The following SNX29 variants were observed in gnomAD, a reference collection of about 807,000 sequenced individuals.
SNX29 encodes the protein sorting nexin 29.
A neutral mutation model predicts 102.1 loss-of-function variants in SNX29; 78 were observed. The ratio of observed to expected loss-of-function variants is 0.76; its 90% CI spans 0.64 to 0.92. The LOEUF is 0.92. SNX29 is among the 40% of genes least tolerant of loss of function. The pLI is 0.00. For synonymous variants in SNX29, 580 were observed against 414.5 expected (o/e 1.40, Z -4.85); for missense variants, 1,280 against 1,061.7 (o/e 1.21, Z -2.86).
chr16:12,527,044 T>C (rs537600747), intron 20 of SNX29: 9 of 416,294 alleles, frequency 2.2e-5, no homozygotes, highest in Non-Finnish European at 4.1e-5. Context: ...GTGTTGACAC[T>C]GGAATTTTGA....
chr16:12,538,079 G>T lies in SNX29; in HGVS notation c.2318+13238G>T, dbSNP rs923804732. Among the ~76,000 whole-genome samples, 14 of 150,762 alleles carry T rather than the reference G, an allele frequency of 9.3e-5. No homozygotes were observed. In the East Asian group the frequency reaches 1.7e-3, roughly 19 times the overall value. ...GATCTTGGTGACAGCTTTCTTCTCA[G>T]TGGGCTAAGCAAATTCACAGCTTTC... On this transcript the variant is annotated intron_variant, in intron 20 of 20. Coordinates refer to ENST00000566228, the MANE Select transcript of SNX29 (RefSeq NM_032167.5).
At chr16:12,555,139 C>G (rs1010173573) in intron 20 of SNX29, among the ~76,000 whole-genome samples, 2 of 151,798 alleles carry the variant, frequency 1.3e-5, no homozygotes, top group Non-Finnish European at 2.9e-5. Context: ...TATTCTCAGA[C>G]TTGGTCCAGG....
chr16:12,342,387 G>T (rs2151261865), intron 15 of SNX29, among the ~76,000 whole-genome samples: 1 of 152,292 alleles, frequency 6.6e-6, no homozygotes, highest in East Asian at 1.9e-4. Context: ...AAACCATGAG[G>T]CTTAGGGGTG....
At chr16:12,129,550 A>T in intron 12 of SNX29, 80 bp from the exon 13 acceptor site, 1 of 1,495,590 alleles carries the variant, frequency 6.7e-7, no homozygotes, top group Non-Finnish European at 8.9e-7. Flanking sequence ...TTAGGACTTG[A>T]CTTATGTTAG....
At chr16:12,342,645 C>T (rs1477830851) in intron 15 of SNX29, among the ~76,000 whole-genome samples, 1 of 152,156 alleles carries the variant, frequency 6.6e-6, no homozygotes, top group Admixed American at 6.5e-5. Flanking sequence ...CTCATTTAGT[C>T]CTCATAACAA....
intron 8 of SNX29, among the ~76,000 whole-genome samples, chr16:12,059,370 T>G (rs1161532824): frequency 6.6e-6 from 1 of 152,178 alleles, no homozygotes; most frequent in African/African-American, 2.4e-5. Flanking sequence ...CTTGACAGAT[T>G]CCAGAGGCAC....
chr16:12,380,347 A>G (rs1404942944), intron 16 of SNX29, among the ~76,000 whole-genome samples: 1 of 7,616 alleles, frequency 1.3e-4, no homozygotes, highest in Non-Finnish European at 2.5e-4. Context: ...CCACCCACCC[A>G]TCCCTTCACC....
chr16:12,026,814 A>G (rs1166225825), intron 3 of SNX29, among the ~76,000 whole-genome samples: 1 of 152,210 alleles, frequency 6.6e-6, no homozygotes, highest in Non-Finnish European at 1.5e-5. Context: ...CAGAATTCAT[A>G]TATTCTTTTT....
At chr16:12,024,963 T>G (rs1330339105) in intron 3 of SNX29, among the ~76,000 whole-genome samples, 1 of 152,202 alleles carries the variant, frequency 6.6e-6, no homozygotes, top group Admixed American at 6.6e-5. Context: ...CTGTGGTATT[T>G]AGAGAGTTTT....
At chr16:12,346,822 A>C (rs1015011086) in intron 15 of SNX29, among the ~76,000 whole-genome samples, 1 of 152,132 alleles carries the variant, frequency 6.6e-6, no homozygotes. Context: ...CCAGGAGAGC[A>C]TCATTGTCTC....
rs554317763 is a variant in SNX29, at chr16:12,537,157, T to A, written c.2318+12316T>A. On this transcript the variant is annotated intron_variant, in intron 20 of 20. Transcript: ENST00000566228. Reference sequence around the variant, plus strand: ...GATCTCAGAGGCTGGGACTCTGGGATCTTGTTAGCATAAAGATGCCATCCC... The same window carrying A: ...GATCTCAGAGGCTGGGACTCTGGGAACTTGTTAGCATAAAGATGCCATCCC... 2.0e-5 allele frequency among the ~76,000 whole-genome samples: 3 copies of A among 152,206 alleles called. No individual in the cohort carries two copies. In the East Asian group the frequency reaches 5.8e-4, roughly 29 times the overall value.
intron 18 of SNX29, among the ~76,000 whole-genome samples, chr16:12,450,622 G>C (rs1467648646): frequency 6.6e-6 from 1 of 152,202 alleles, no homozygotes. Context: ...TTCCCGGAGA[G>C]TGGTCAGGCC....
chr16:12,269,953 C>G, intron 14 of SNX29, among the ~76,000 whole-genome samples: 1 of 151,970 alleles, frequency 6.6e-6, no homozygotes, highest in East Asian at 1.9e-4. Flanking sequence ...TTCCATCTCC[C>G]AGGTTCAAGC....
intron 14 of SNX29, among the ~76,000 whole-genome samples, chr16:12,249,070 T>C (rs1270003765): frequency 6.6e-6 from 1 of 152,104 alleles, no homozygotes; most frequent in Non-Finnish European, 1.5e-5. Context: ...CCAAAATGAG[T>C]GGCTTAAAAC....
intron 14 of SNX29, among the ~76,000 whole-genome samples, chr16:12,254,676 G>C (rs77903026): frequency 0.03 from 4,528 of 152,148 alleles, 95 homozygotes; most frequent in Admixed American, 0.062. Context: ...ACTGACCAGG[G>C]AGGAGACAAG....
Position 12,269,084 on chromosome 16 carries a change from TCTAC to T in SNX29, c.1679-8847_1679-8844del, listed in dbSNP as rs2079017653. On this transcript the variant is annotated intron_variant, in intron 14 of 20. Transcript: ENST00000566228. ...TGTTGAACATAAATGTCTATATACT[TCTAC>T]CAAACACAGTCTCCCTGTCTATTTG... is the stretch of plus-strand genomic sequence containing the variant. Among the ~76,000 whole-genome samples, 3 of 152,360 alleles carry T rather than the reference TCTAC, an allele frequency of 2.0e-5. No individual in the cohort carries two copies. In the South Asian group the frequency reaches 6.2e-4, roughly 32 times the overall value.
In SNX29 at chr16:12,025,596, A is replaced by G. The variant is rs562985444; in HGVS notation, c.123-1724A>G. Among the ~76,000 whole-genome samples, 17 of 152,330 alleles carry G rather than the reference A, an allele frequency of 1.1e-4. 1 individual carries two copies. In the South Asian group the frequency reaches 3.1e-3, roughly 28 times the overall value. Reference sequence around the variant, plus strand: ...GGAAGTATTAGATTTGTGATGCCTAATAGGCTCCCTTCTGTGCAGGGCCAG... The same window carrying G: ...GGAAGTATTAGATTTGTGATGCCTAGTAGGCTCCCTTCTGTGCAGGGCCAG... On this transcript the variant is annotated intron_variant, in intron 3 of 20. Coordinates refer to ENST00000566228, the MANE Select transcript of SNX29 (RefSeq NM_032167.5).
intron 18 of SNX29, among the ~76,000 whole-genome samples, chr16:12,423,873 A>C (rs189331297): frequency 7.3e-4 from 111 of 152,332 alleles, no homozygotes; most frequent in African/African-American, 2.5e-3. Flanking sequence ...TGCCCAGCCT[A>C]CAAGTTTTTG....
Position 12,048,510 on chromosome 16 carries a change from G to C in SNX29, c.638G>C (p.Gly213Ala). Residue 213 changes from glycine to alanine, a missense_variant, in exon 7 of 21, where the codon GGA (glycine) becomes GCA (alanine). Coordinates refer to ENST00000566228, the MANE Select transcript of SNX29 (RefSeq NM_032167.5). The part of the protein sequence containing the change: ...VTSLLKESTQ[G>A]VSSLFREITA... ...TCCTTGCTGAAGGAGTCCACGCAAG[G>C]AGTGAGCAGCCTGTTCAGGGAGATC... 1 of 1,613,922 alleles carries C rather than the reference G, an allele frequency of 6.2e-7. No individual in the cohort carries two copies. Among genetic ancestry groups the C allele is most frequent in the Non-Finnish European group, 8.5e-7 (1 of 1,179,860 alleles).
Sources: allele counts gnomAD v4.1 joint callset (sites outside exome capture counted in the v4.1 genomes callset), GRCh38; gene constraint gnomAD v4.1.1; transcripts MANE v1.5; gene names NCBI Gene and HGNC (gene_info 2026-07-23, HGNC 2026-07-21).